The following EYA1 variants were observed in gnomAD, a reference collection of about 807,000 sequenced individuals.
EYA1 encodes the protein EYA transcriptional coactivator and phosphatase 1.
In EYA1, 16 loss-of-function variants were observed where a neutral mutation model predicts 82.0. That is an observed-to-expected ratio of 0.20 (90% CI 0.13 to 0.30). The LOEUF (loss-of-function observed/expected upper bound fraction) is 0.30. Ranked by LOEUF, EYA1 falls within the 10% of genes least tolerant of loss-of-function variation. EYA1 has a pLI of 1.00. For missense variants in EYA1, 633 were observed against 730.7 expected (o/e 0.87, Z 1.54); for synonymous variants, 261 against 264.4 (o/e 0.99, Z 0.12).
chr8:71,516,003 A>G (rs533669277), intron 2 of EYA1, among the ~76,000 whole-genome samples: 1 of 152,306 alleles, frequency 6.6e-6, no homozygotes, highest in East Asian at 1.9e-4. Context: ...AGGGATTAAC[A>G]GATATGTAAA....
chr8:71,429,678 G>C (rs527985720), intron 2 of EYA1, among the ~76,000 whole-genome samples: 9 of 152,202 alleles, frequency 5.9e-5, no homozygotes, highest in African/African-American at 1.9e-4. Flanking sequence ...ATTAAATAGA[G>C]AGACAGAGGT....
intron 2 of EYA1, among the ~76,000 whole-genome samples, chr8:71,425,515 T>TC (rs1453533813): frequency 1.3e-5 from 2 of 152,142 alleles, no homozygotes; most frequent in Admixed American, 6.6e-5. Flanking sequence ...TGATTAAACA[T>TC]CCCTTCCACA....
At chr8:71,490,741 T>C (rs187912405) in intron 2 of EYA1, among the ~76,000 whole-genome samples, 71 of 152,292 alleles carry the variant, frequency 4.7e-4, no homozygotes, top group African/African-American at 1.6e-3. Context: ...TAGGAAATAG[T>C]TTTTGGAAGC....
intron 1 of EYA1, among the ~76,000 whole-genome samples, chr8:71,541,360 T>A (rs1563719843): frequency 1.3e-5 from 2 of 152,218 alleles, no homozygotes; most frequent in Admixed American, 1.3e-4. Context: ...GTTTTAAGGA[T>A]GAAGCCTGTT....
chr8:71,242,130 T>C (rs1423957335), intron 12 of EYA1, among the ~76,000 whole-genome samples: 3 of 152,076 alleles, frequency 2.0e-5, no homozygotes, highest in Non-Finnish European at 4.4e-5. Flanking sequence ...TGCTTGAACC[T>C]GGGAGGCAGA....
intron 2 of EYA1, among the ~76,000 whole-genome samples, chr8:71,435,904 T>C (rs969637479): frequency 3.7e-4 from 56 of 152,172 alleles, no homozygotes; most frequent in African/African-American, 1.3e-3. Flanking sequence ...TCCATTGTTA[T>C]GAGGTTCCAT....
chr8:71,507,722 A>G (rs1476515108), intron 2 of EYA1, among the ~76,000 whole-genome samples: 1 of 152,218 alleles, frequency 6.6e-6, no homozygotes, highest in African/African-American at 2.4e-5. Context: ...ATGACCTCCA[A>G]CATACAGCAA....
chr8:71,283,310 G>A (rs77599507), intron 9 of EYA1, among the ~76,000 whole-genome samples: 9,307 of 152,188 alleles, frequency 0.061, 360 homozygotes, highest in Non-Finnish European at 0.083. Context: ...AGTGTCACCC[G>A]ATGGACAACT....
At chr8:71,319,132 GTAT>G (rs1168328064) in intron 6 of EYA1, among the ~76,000 whole-genome samples, 1 of 130,658 alleles carries the variant, frequency 7.7e-6, no homozygotes, top group African/African-American at 3.1e-5. Context: ...AATAATTCAT[GTAT>G]TTTTTTTTTT....
chr8:71,485,509 G>A (rs932229621), intron 2 of EYA1, among the ~76,000 whole-genome samples: 2 of 151,944 alleles, frequency 1.3e-5, no homozygotes, highest in East Asian at 1.9e-4. Flanking sequence ...TAAAAAGAAC[G>A]GTTAGGCAAG....
chr8:71,293,981 ACTGT>A (rs1166884749), intron 9 of EYA1, among the ~76,000 whole-genome samples: 1 of 151,466 alleles, frequency 6.6e-6, no homozygotes, highest in African/African-American at 2.4e-5. Flanking sequence ...AAGAAATATA[ACTGT>A]CTTTTTTCAC....
At chr8:71,489,247 T>A (rs1810807881) in intron 2 of EYA1, among the ~76,000 whole-genome samples, 1 of 152,226 alleles carries the variant, frequency 6.6e-6, no homozygotes. Flanking sequence ...TTTTAGGGCT[T>A]TCTGGAACAT....
intron 6 of EYA1, among the ~76,000 whole-genome samples, chr8:71,321,134 T>C (rs1177709059): frequency 6.6e-6 from 1 of 152,152 alleles, no homozygotes; most frequent in Non-Finnish European, 1.5e-5. Flanking sequence ...AAAAAGTGAG[T>C]TAAATTACAC....
At chr8:71,260,822 A>G (rs955235849) in intron 11 of EYA1, among the ~76,000 whole-genome samples, 27 of 152,330 alleles carry the variant, frequency 1.8e-4, no homozygotes, top group African/African-American at 6.0e-4. Context: ...GTCCATGTGA[A>G]AATCTTGTTA....
chr8:71,324,305 T>A (rs960813671), intron 4 of EYA1, among the ~76,000 whole-genome samples: 1 of 152,236 alleles, frequency 6.6e-6, no homozygotes, highest in Non-Finnish European at 1.5e-5. Flanking sequence ...ATACATATGA[T>A]GAAAGACTTA....
chr8:71,272,663 G>A (rs11991562), intron 9 of EYA1, among the ~76,000 whole-genome samples: 40,912 of 152,058 alleles, frequency 0.27, 5,573 homozygotes, highest in Admixed American at 0.3. Context: ...ATTGTGGAGC[G>A]AGGGAAGATG....
chr8:71,405,817 T>C (rs921936374), intron 2 of EYA1, among the ~76,000 whole-genome samples: 5 of 152,208 alleles, frequency 3.3e-5, no homozygotes, highest in Non-Finnish European at 5.9e-5. Context: ...ATTTTAAACC[T>C]ATTACTTTCC....
intron 2 of EYA1, among the ~76,000 whole-genome samples, chr8:71,523,504 G>A (rs762146754): frequency 9.9e-5 from 15 of 152,166 alleles, no homozygotes; most frequent in Non-Finnish European, 2.1e-4. Context: ...CTTATTGGCA[G>A]TGAAGGTGAA....
intron 8 of EYA1, among the ~76,000 whole-genome samples, 186 bp downstream of exon 8, chr8:71,299,452 T>C (rs1251617454): frequency 6.6e-6 from 1 of 152,230 alleles, no homozygotes; most frequent in Non-Finnish European, 1.5e-5. Context: ...GATGCAATAC[T>C]AGGTAAAATT....
Sources: allele counts gnomAD v4.1 joint callset (sites outside exome capture counted in the v4.1 genomes callset), GRCh38; gene constraint gnomAD v4.1.1; transcripts MANE v1.5; gene names NCBI Gene and HGNC (gene_info 2026-07-23, HGNC 2026-07-21).